CELF2: variants seen among roughly 807,000 people sequenced by gnomAD.
CELF2 encodes CUG triplet repeat RNA-binding protein 2.
A neutral mutation model predicts 62.6 loss-of-function variants in CELF2; 8 were observed. The ratio of observed to expected loss-of-function variants is 0.13; its 90% confidence interval spans 0.07 to 0.23. The LOEUF (loss-of-function observed/expected upper bound fraction) is 0.23. Ranked by LOEUF, CELF2 falls within the 10% of genes least tolerant of loss-of-function variation. The pLI is 1.00. For missense variants in CELF2, 333 were observed against 671.0 expected (o/e 0.50, Z 5.56); for synonymous variants, 258 against 250.0 (o/e 1.03, Z -0.30).
At position 11,290,542 on chromosome 10, in the gene CELF2, G is replaced by T. The variant is rs1261418956; in HGVS notation, c.976+1990G>T. Among the ~76,000 whole-genome samples the T allele has an allele frequency of 6.6e-6, 1 of 150,888 alleles. No individual in the cohort carries two copies. The stretch of plus-strand genomic sequence containing the variant: ...CTCCGTCTAAAAAAAAAAAAAAAAT[G>T]TGGGCCACTCAGACGGTCTAGGGCG... On this transcript the variant is annotated intron_variant, in intron 9 of 12. Transcript: ENST00000633077. The surrounding 1 kb of genome is among the most constrained non-coding windows in gnomAD (Gnocchi z 4.3).
upstream of CELF2, among the ~76,000 whole-genome samples, chr10:10,793,489 A>G (rs951086340): frequency 6.6e-6 from 1 of 152,218 alleles, no homozygotes; most frequent in African/African-American, 2.4e-5. Context: ...CATAGCCGCT[A>G]CATTAACTGC....
At chr10:10,916,271 A>G (rs974501876) in intron 1 of CELF2, among the ~76,000 whole-genome samples, 1 of 152,210 alleles carries the variant, frequency 6.6e-6, no homozygotes, top group African/African-American at 2.4e-5. Flanking sequence ...GATGACTCCT[A>G]GCTACATTAC....
chr10:10,924,230 C>A (rs1277022455), intron 2 of CELF2, among the ~76,000 whole-genome samples: 2 of 126,636 alleles, frequency 1.6e-5, no homozygotes, highest in Non-Finnish European at 3.1e-5. Flanking sequence ...TGCAGTGAGC[C>A]GAGATCGCGC....
chr10:10,603,340 T>A, the CELF2 span, among the ~76,000 whole-genome samples: 1 of 151,408 alleles, frequency 6.6e-6, no homozygotes, highest in African/African-American at 2.4e-5. Flanking sequence ...GACAATGAAC[T>A]GGAGGTAGAA....
intron 2 of CELF2, among the ~76,000 whole-genome samples, chr10:10,981,050 A>AG (rs1159681378): frequency 6.6e-6 from 1 of 152,214 alleles, no homozygotes; most frequent in African/African-American, 2.4e-5. Context: ...TCTATGCATT[A>AG]GGGGCTCCAG....
chr10:10,939,720 C>G (rs192591411), intron 2 of CELF2, among the ~76,000 whole-genome samples: 1 of 151,876 alleles, frequency 6.6e-6, no homozygotes, highest in East Asian at 2.0e-4. Context: ...TTTGGGAGGC[C>G]GAGGCGGACG....
At chr10:11,325,803 A>G (rs754994193) in intron 11 of CELF2, 33 bp from the exon 12 acceptor site, 2 of 1,580,228 alleles carry the variant, frequency 1.3e-6, no homozygotes, top group Non-Finnish European at 1.7e-6. Context: ...GACTCAAGGG[A>G]TACCTTACTC....
At chr10:10,491,321 C>G in the CELF2 span, among the ~76,000 whole-genome samples, 1 of 152,172 alleles carries the variant, frequency 6.6e-6, no homozygotes, top group East Asian at 1.9e-4. Context: ...AGAAATTATA[C>G]TTGTTTGCAT....
chr10:10,512,874 A>G, the CELF2 span, among the ~76,000 whole-genome samples: 1 of 152,196 alleles, frequency 6.6e-6, no homozygotes, highest in East Asian at 1.9e-4. Flanking sequence ...TGGGTGGTCA[A>G]ATCAATACCC....
intron 1 of CELF2, among the ~76,000 whole-genome samples, chr10:10,905,868 G>T (rs184758436): frequency 6.9e-6 from 1 of 145,922 alleles, no homozygotes; most frequent in Non-Finnish European, 1.5e-5. Flanking sequence ...ACAGAGCAAG[G>T]CTCCATCTCA....
chr10:10,799,956 G>A (rs1282091518), intron 1 of CELF2, among the ~76,000 whole-genome samples: 3 of 152,200 alleles, frequency 2.0e-5, no homozygotes, highest in African/African-American at 4.8e-5. Context: ...CTTCATAGGA[G>A]CTAGACCAGA....
intron 1 of CELF2, among the ~76,000 whole-genome samples, chr10:11,113,142 T>TGA (rs2055652014): frequency 6.6e-6 from 1 of 152,250 alleles, no homozygotes; most frequent in Non-Finnish European, 1.5e-5. Flanking sequence ...AGTGAATCAA[T>TGA]ATCTTCTTAC....
chr10:10,614,073 T>C, the CELF2 span, among the ~76,000 whole-genome samples: 4 of 152,106 alleles, frequency 2.6e-5, no homozygotes, highest in African/African-American at 9.7e-5. Flanking sequence ...CCCCAGCTAG[T>C]GGAGAATTCA....
the CELF2 span, among the ~76,000 whole-genome samples, chr10:10,684,004 C>T: frequency 6.6e-6 from 1 of 151,980 alleles, no homozygotes; most frequent in African/African-American, 2.4e-5. Context: ...CCTACTCCCA[C>T]CCACAGAAAA....
rs952823248 is a variant in CELF2 at position 10,956,628 on chromosome 10, C to T, written c.89+36629C>T. On this transcript the variant is annotated intron_variant, in intron 2 of 13. Transcript: ENST00000636488. ...AGGGAACTGCCATATGCAAAGGGAC[C>T]CGCAAAAGTGGGTTGCTGGCTGGGC... Among the ~76,000 whole-genome samples, 4 of 152,116 alleles carry T rather than the reference C, an allele frequency of 2.6e-5. No homozygotes were observed. The East Asian group carries it at 7.7e-4, about 29-fold the overall frequency.
At chr10:11,026,831 C>T (rs1301605245) in intron 1 of CELF2, among the ~76,000 whole-genome samples, 4 of 152,202 alleles carry the variant, frequency 2.6e-5, no homozygotes, top group Non-Finnish European at 4.4e-5. Context: ...ATACCTAGCT[C>T]ATCACTTGTA....
At chr10:10,651,311 C>T in the CELF2 span, among the ~76,000 whole-genome samples, 2 of 148,048 alleles carry the variant, frequency 1.4e-5, no homozygotes, top group Non-Finnish European at 3.0e-5. Context: ...CCCGCCATTG[C>T]CCAGGCTTGC....
chr10:11,073,313 A>G (rs1185997534), intron 1 of CELF2, among the ~76,000 whole-genome samples: 1 of 152,172 alleles, frequency 6.6e-6, no homozygotes, highest in Non-Finnish European at 1.5e-5. Context: ...GGTGGCACTT[A>G]AGCCCTCCAG....
chr10:11,099,195 C>A (rs1433615611), intron 1 of CELF2, among the ~76,000 whole-genome samples: 1 of 152,108 alleles, frequency 6.6e-6, no homozygotes, highest in African/African-American at 2.4e-5. Context: ...TCTTAGAATA[C>A]CTACACCTTT....
Sources: allele counts gnomAD v4.1 joint callset (sites outside exome capture counted in the v4.1 genomes callset), GRCh38; gene constraint gnomAD v4.1.1; non-coding constraint Gnocchi (gnomAD v3.1); transcripts MANE v1.5; gene names NCBI Gene and HGNC (gene_info 2026-07-23, HGNC 2026-07-21).